ZNF704: variants seen among roughly 807,000 people sequenced by gnomAD.
ZNF704 encodes the protein glucocorticoid induced gene 1.
In ZNF704, 10 loss-of-function variants were observed where a neutral mutation model predicts 44.7. That is an observed-to-expected ratio of 0.22 (90% CI 0.14 to 0.38). The LOEUF is 0.38. ZNF704 is among the 10% of genes least tolerant of loss of function. The probability of loss-of-function intolerance (pLI) is 1.00; values close to 1 mark genes in which losing one functional copy is unlikely to be tolerated. For synonymous variants in ZNF704, 211 were observed against 207.6 expected (o/e 1.02, Z -0.14); for missense variants, 390 against 545.5 (o/e 0.71, Z 2.84).
At chr8:80,764,447 G>T (rs998714390) in intron 2 of ZNF704, among the ~76,000 whole-genome samples, 1 of 152,142 alleles carries the variant, frequency 6.6e-6, no homozygotes, top group African/African-American at 2.4e-5. Flanking sequence ...ACTATCACAA[G>T]AATACATGGG....
At chr8:80,769,766 G>C (rs567867473) in intron 2 of ZNF704, among the ~76,000 whole-genome samples, 1 of 152,232 alleles carries the variant, frequency 6.6e-6, no homozygotes, top group South Asian at 2.1e-4. Context: ...CTTCCAAACT[G>C]TTCCAACCTC....
intron 1 of ZNF704, among the ~76,000 whole-genome samples, chr8:80,867,215 G>A (rs1032102084): frequency 1.3e-5 from 2 of 152,164 alleles, no homozygotes; most frequent in African/African-American, 2.4e-5. Flanking sequence ...GGTTGGCCCA[G>A]GCAGGATTCA....
intron 2 of ZNF704, among the ~76,000 whole-genome samples, chr8:80,790,247 C>G (rs1301186151): frequency 6.6e-6 from 1 of 152,154 alleles, no homozygotes; most frequent in Admixed American, 6.5e-5. Flanking sequence ...TTAAGAACAC[C>G]TCAGGGGATT....
intron 7 of ZNF704, among the ~76,000 whole-genome samples, chr8:80,657,315 T>C (rs1247412068): frequency 6.6e-6 from 1 of 152,196 alleles, no homozygotes; most frequent in Non-Finnish European, 1.5e-5. Context: ...AATGGCAAGC[T>C]TGACTGCTAA....
intron 1 of ZNF704, among the ~76,000 whole-genome samples, chr8:80,865,278 T>C (rs1239320260): frequency 2.6e-5 from 4 of 152,202 alleles, no homozygotes; most frequent in East Asian, 3.8e-4. Context: ...GGAATCATAT[T>C]ATCCCAATTT....
At chr8:80,645,648 T>C (rs1817818953) in intron 7 of ZNF704, among the ~76,000 whole-genome samples, 1 of 152,166 alleles carries the variant, frequency 6.6e-6, no homozygotes, top group South Asian at 2.1e-4. Context: ...ATGACGTGCC[T>C]GCTCCTGCTT....
chr8:80,842,598 C>A (rs1404305279), intron 1 of ZNF704, among the ~76,000 whole-genome samples: 1 of 152,120 alleles, frequency 6.6e-6, no homozygotes, highest in Non-Finnish European at 1.5e-5. Flanking sequence ...AGCCTTCAGT[C>A]GGCAGTGGGT....
intron 3 of ZNF704, among the ~76,000 whole-genome samples, chr8:80,691,875 C>T (rs1818642528): frequency 1.3e-5 from 2 of 152,192 alleles, no homozygotes; most frequent in African/African-American, 4.8e-5. Flanking sequence ...GAATGTCCTC[C>T]CCTTGCTGAA....
chr8:80,678,861 C>G (rs1290314897), intron 4 of ZNF704, among the ~76,000 whole-genome samples: 8 of 152,130 alleles, frequency 5.3e-5, no homozygotes. Flanking sequence ...GTTCATAGAT[C>G]TCTGGTTGGA....
intron 3 of ZNF704, among the ~76,000 whole-genome samples, chr8:80,692,722 A>C (rs1818660214): frequency 6.6e-6 from 1 of 152,252 alleles, no homozygotes; most frequent in Non-Finnish European, 1.5e-5. Context: ...AAAAAGGGAC[A>C]CAAGTACTGC....
chr8:80,696,649 C>G (rs920346968), intron 2 of ZNF704, among the ~76,000 whole-genome samples: 21 of 152,198 alleles, frequency 1.4e-4, no homozygotes, highest in Non-Finnish European at 2.9e-5. Flanking sequence ...AACTCCTGAC[C>G]TCAGGTGATC....
intron 2 of ZNF704, among the ~76,000 whole-genome samples, chr8:80,750,688 T>C (rs888260904): frequency 2.0e-5 from 3 of 152,266 alleles, no homozygotes; most frequent in East Asian, 3.9e-4. Flanking sequence ...GCTAATTTTG[T>C]ATTTTTAGTA....
At chr8:80,884,088 G>A in the ZNF704 span, among the ~76,000 whole-genome samples, 1 of 152,176 alleles carries the variant, frequency 6.6e-6, no homozygotes, top group East Asian at 1.9e-4. Context: ...TTGTTGTTAT[G>A]CCTGTTAATA....
At chr8:80,875,981 T>C (rs923337328), upstream of ZNF704, among the ~76,000 whole-genome samples, 2 of 152,214 alleles carry the variant, frequency 1.3e-5, no homozygotes, top group African/African-American at 4.8e-5. Context: ...TTCTCTACCT[T>C]ATCCCTAGAG....
At chr8:80,645,075 G>C in intron 7 of ZNF704, 2 of 1,509,114 alleles carry the variant, frequency 1.3e-6, no homozygotes, top group South Asian at 2.3e-5. Context: ...ATGGGTTTTA[G>C]GGACCAGCTT....
chr8:80,754,153 G>C (rs1213058842), intron 2 of ZNF704, among the ~76,000 whole-genome samples: 2 of 151,598 alleles, frequency 1.3e-5, no homozygotes, highest in African/African-American at 2.4e-5. Flanking sequence ...CCTTACAATT[G>C]TATTTTCTGA....
At chr8:80,759,348 T>C (rs1807090481) in intron 2 of ZNF704, among the ~76,000 whole-genome samples, 1 of 151,252 alleles carries the variant, frequency 6.6e-6, no homozygotes, top group Non-Finnish European at 1.5e-5. Flanking sequence ...ACTGGGTGAG[T>C]AATATTTAAA....
intron 2 of ZNF704, among the ~76,000 whole-genome samples, chr8:80,733,807 C>T (rs1441559907): frequency 6.6e-6 from 1 of 152,150 alleles, no homozygotes; most frequent in African/African-American, 2.4e-5. Flanking sequence ...TTTAGACTTC[C>T]CATGTCTCTG....
upstream of ZNF704, among the ~76,000 whole-genome samples, chr8:80,875,911 G>A: frequency 6.6e-6 from 1 of 152,158 alleles, no homozygotes; most frequent in East Asian, 1.9e-4. Flanking sequence ...ACCTATTTCA[G>A]GTGATGAAAC....
Sources: allele counts gnomAD v4.1 joint callset (sites outside exome capture counted in the v4.1 genomes callset), GRCh38; gene constraint gnomAD v4.1.1; transcripts MANE v1.5; gene names NCBI Gene and HGNC (gene_info 2026-07-23, HGNC 2026-07-21).